RAB34: variants seen among roughly 807,000 people sequenced by gnomAD.
RAB34 encodes ras-related protein Rab-34.
A neutral mutation model predicts 39.0 loss-of-function variants in RAB34; 33 were observed. The observed-to-expected ratio is 0.85, with a 90% confidence interval of 0.64 to 1.13. The LOEUF (loss-of-function observed/expected upper bound fraction) is 1.13, where lower values mean the gene tolerates loss of function less well. Ranked by LOEUF, RAB34 falls within the 50% of genes most tolerant of loss-of-function variation. The pLI is 0.00. For missense variants in RAB34, 289 were observed against 326.1 expected (o/e 0.89, Z 0.88); for synonymous variants, 135 against 125.1 (o/e 1.08, Z -0.53).
At chr17:28,716,125 T>C in intron 2 of RAB34, 67 bp from the exon 3 acceptor site, 2 of 1,608,142 alleles carry the variant, frequency 1.2e-6, no homozygotes, top group Non-Finnish European at 1.7e-6. Flanking sequence ...GTTCCAATGC[T>C]CCCGACTAGG....
At chr17:28,718,075 C>G, upstream of RAB34, 1 of 1,553,170 alleles carries the variant, frequency 6.4e-7, no homozygotes, top group Non-Finnish European at 8.7e-7. Flanking sequence ...CCAGGCTGCT[C>G]TCCCCTGCAC....
chr17:28,718,269 G>C (rs985594762), upstream of RAB34: 7 of 1,545,866 alleles, frequency 4.5e-6, no homozygotes, highest in African/African-American at 9.7e-5. Context: ...GTGACTCATA[G>C]AGTCTGCCCC....
chr17:28,716,574 G>T, intron 2 of RAB34: 1 of 296,048 alleles, frequency 3.4e-6, no homozygotes, highest in Non-Finnish European at 6.3e-6. Flanking sequence ...CCCACAATAA[G>T]ACTCATCCCT....
Position 28,717,564 on chromosome 17 carries a change from CGTCT to C in RAB34, c.-302_-299del, listed in dbSNP as rs2033736077. 1 of 1,418,954 alleles carries C rather than the reference CGTCT, an allele frequency of 7.0e-7. No homozygotes were observed. Among genetic ancestry groups the C allele is most frequent in the Admixed American group, 3.0e-5 (1 of 33,630 alleles). 87.9% of individuals were successfully genotyped at this position (1,418,954 alleles called of 1,614,324 possible). A position where few individuals can be genotyped will look rare whatever the true frequency, so the allele number is the denominator to read the frequency against. On this transcript the variant is annotated 5_prime_UTR_variant, in exon 1 of 10. The change creates a premature stop within an existing upstream ORF in the 5' untranslated region. Transcript: ENST00000395245. ...GCCGCCAATTGGGGGCGGGGAGTCC[CGTCT>C]GGTGGGGGCCGGGCCCGCGCAGACC...
Position 28,717,275 on chromosome 17 carries a change from C to T in RAB34, c.-9G>A. On this transcript the variant is annotated 5_prime_UTR_variant, in exon 1 of 10. Coordinates refer to ENST00000395245, the MANE Select transcript of RAB34 (RefSeq NM_031934.6). ...GGTGCCAGAATGTTCATCCTGCCTG[C>T]GGCCTTGCAGGGCGCCCTGAGAAGG... is the stretch of plus-strand genomic sequence containing the variant. The T allele has an allele frequency of 6.3e-7, 1 of 1,599,874 alleles. No homozygotes were observed. The highest frequency in any genetic ancestry group is 8.5e-7 in the Non-Finnish European group (1 of 1,175,884).
At position 28,717,749 on chromosome 17, in the gene RAB34, G is replaced by T; in HGVS notation, c.-483C>A. ...GGGCGCGGAGCGGCCCCGCCACACG[G>T]GGTCAGTGTGGGCAGGGGCGGCGCT... On this transcript the variant is annotated 5_prime_UTR_variant, in exon 1 of 10. Transcript: ENST00000395245. The T allele has an allele frequency of 7.5e-7, 1 of 1,332,952 alleles. No individual in the cohort carries two copies. 82.6% of individuals were successfully genotyped at this position (1,332,952 alleles called of 1,614,324 possible). A position where few individuals can be genotyped will look rare whatever the true frequency, so the allele number is the denominator to read the frequency against.
intron 1 of RAB34, 75 bp from the exon 2 acceptor site, chr17:28,717,069 G>A: frequency 6.3e-7 from 1 of 1,581,654 alleles, no homozygotes; most frequent in South Asian, 1.1e-5. Context: ...GCCCGGGTAG[G>A]GGTGGAGTGC....
chr17:28,717,903 C>T (rs1187058373), upstream of RAB34: 13 of 1,355,772 alleles, frequency 9.6e-6, no homozygotes, highest in Non-Finnish European at 1.2e-5. Context: ...AGAAGGGCCG[C>T]CCCCCGCCCC....
intron 1 of RAB34, 23 bp downstream of exon 1, chr17:28,717,189 GC>G (rs754347063): frequency 9.4e-5 from 149 of 1,588,544 alleles, no homozygotes; most frequent in Non-Finnish European, 1.3e-4. Context: ...GTAGACTGAA[GC>G]CCGACGTGGC....
Position 28,714,919 on chromosome 17 carries a change from A to G in RAB34, c.605-19T>C. The G allele has an allele frequency of 6.2e-7, 1 of 1,610,374 alleles. No individual in the cohort carries two copies. Among genetic ancestry groups the G allele is most frequent in the South Asian group, 1.1e-5 (1 of 90,992 alleles). On this transcript the variant is annotated intron_variant, in intron 8 of 9. Coordinates refer to ENST00000395245, the MANE Select transcript of RAB34 (RefSeq NM_031934.6). ...TTCTCACCTGACACAGAGAGCAGAT[A>G]GGTGCTCAGGGGCAGTGCTGGGTCT...
Position 28,715,141 on chromosome 17 carries a change from C to G in RAB34, c.514-19G>C, listed in dbSNP as rs755799651. ...CAGGGGTCTGAGGGAAGGCCAGAGT[C>G]AGAGGGGGGCATTCCCTCACCAAGC... is the stretch of plus-strand genomic sequence containing the variant. On this transcript the variant is annotated intron_variant, in intron 7 of 9. Transcript: ENST00000395245. 1 of 1,613,988 alleles carries G rather than the reference C, an allele frequency of 6.2e-7. No homozygotes were observed. The highest frequency in any genetic ancestry group is 1.7e-5 in the Admixed American group (1 of 60,028).
Position 28,717,515 on chromosome 17 carries a change from A to C in RAB34, c.-249T>G. 2 of 1,421,766 alleles carry C rather than the reference A, an allele frequency of 1.4e-6. No individual in the cohort carries two copies. The highest frequency in any genetic ancestry group is 2.9e-5 in the Admixed American group (1 of 34,512). The allele number at this position is 1,421,766 out of a possible 1,614,324, so 88.1% of individuals were successfully genotyped here. On this transcript the variant is annotated 5_prime_UTR_variant, in exon 1 of 10. Coordinates refer to ENST00000395245, the MANE Select transcript of RAB34 (RefSeq NM_031934.6). ...CCGGGCCCTGGGCGTCCCGAAGATG[A>C]CTCTGGGGCGAGGAGACTCTTCGGC... is the stretch of plus-strand genomic sequence containing the variant.
In RAB34 at chr17:28,717,373, GACT is replaced by G. The variant is rs2033686527; in HGVS notation, c.-110_-108del. ...CGATCACCCGCGGCCGGGGTGTCCCGACTACAACTCGGGGCCACGGGGACCCTA... is the reference window on the plus strand; with the variant it reads ...CGATCACCCGCGGCCGGGGTGTCCCGACAACTCGGGGCCACGGGGACCCTA... On this transcript the variant is annotated 5_prime_UTR_variant, in exon 1 of 10. Transcript: ENST00000395245. 6.5e-7 allele frequency: 1 copy of G among 1,527,368 alleles called. No individual in the cohort carries two copies. Among genetic ancestry groups the G allele is most frequent in the Admixed American group, 2.0e-5 (1 of 50,294 alleles). The allele number at this position is 1,527,368 out of a possible 1,614,324, so 94.6% of individuals were successfully genotyped here. A position where few individuals can be genotyped will look rare whatever the true frequency, so the allele number is the denominator to read the frequency against.
Position 28,714,493 on chromosome 17 carries a change from C to T in RAB34, c.*150G>A. 6.4e-7 allele frequency: 1 copy of T among 1,558,164 alleles called. No homozygotes were observed. Among genetic ancestry groups the T allele is most frequent in the Non-Finnish European group, 8.8e-7 (1 of 1,132,246 alleles). On this transcript the variant is annotated 3_prime_UTR_variant, in exon 10 of 10. Transcript: ENST00000395245. ...GGGGCAGGAAGTGACTAGCATGATC[C>T]CAGCTACCCCTCTGTGGGAATACTG... is the stretch of plus-strand genomic sequence containing the variant.
chr17:28,714,345 C>T lies in RAB34; in HGVS notation c.*298G>A. 3 of 596,236 alleles carry T rather than the reference C, an allele frequency of 5.0e-6. No individual in the cohort carries two copies. The highest frequency in any genetic ancestry group is 9.0e-6 in the Non-Finnish European group (3 of 334,120). The allele number at this position is 596,236 out of a possible 1,614,324, so 36.9% of individuals were successfully genotyped here. ...GTGAGAGGCTGGAATCATTAAGCAT[C>T]CTCAAACACAAAGGGCCCAGCAGGC... On this transcript the variant is annotated 3_prime_UTR_variant, in exon 10 of 10. Coordinates refer to ENST00000395245, the MANE Select transcript of RAB34 (RefSeq NM_031934.6).
chr17:28,715,410 C>T (rs1231978881), intron 6 of RAB34, 46 bp downstream of exon 6: 2 of 1,611,360 alleles, frequency 1.2e-6, no homozygotes, highest in East Asian at 2.2e-5. Context: ...TGTTCTGAAC[C>T]CTCTCTTCCC....
Position 28,714,625 on chromosome 17 carries a change from G to A in RAB34, c.*18C>T. 2 of 1,614,132 alleles carry A rather than the reference G, an allele frequency of 1.2e-6. No homozygotes were observed. The highest frequency in any genetic ancestry group is 1.7e-6 in the Non-Finnish European group (2 of 1,180,018). The stretch of plus-strand genomic sequence containing the variant: ...AGTGCCCTAGGGCTGGGCAGTCTCT[G>A]AACAGTCTCCTCAGCCCTCATGGGC... On this transcript the variant is annotated 3_prime_UTR_variant, in exon 10 of 10. Coordinates refer to ENST00000395245, the MANE Select transcript of RAB34 (RefSeq NM_031934.6).
At chr17:28,716,776 G>T in intron 2 of RAB34, 127 bp downstream of exon 2, 1 of 1,106,916 alleles carries the variant, frequency 9.0e-7, no homozygotes. Flanking sequence ...GGGGCTTAAA[G>T]AGGGGGAAAT....
chr17:28,718,199 G>T (rs145137552), upstream of RAB34: 296 of 1,606,356 alleles, frequency 1.8e-4, 2 homozygotes, highest in Middle Eastern at 4.3e-3. Flanking sequence ...GGAGGGGAAA[G>T]GGGGAGAGAA....
Sources: allele counts gnomAD v4.1 joint callset, GRCh38; gene constraint gnomAD v4.1.1; transcripts MANE v1.5; gene names NCBI Gene and HGNC (gene_info 2026-07-23, HGNC 2026-07-21).